NECTIN3: variants seen among roughly 807,000 people sequenced by gnomAD.
NECTIN3 encodes the protein nectin cell adhesion molecule 3.
A neutral mutation model predicts 49.4 loss-of-function variants in NECTIN3; 8 were observed. The ratio of observed to expected loss-of-function variants is 0.16; its 90% CI spans 0.10 to 0.29. NECTIN3 has a LOEUF of 0.29. Among genes scored for constraint, NECTIN3 ranks in the 10% least tolerant of loss-of-function variants. NECTIN3 has a pLI of 1.00. For synonymous variants in NECTIN3, 277 were observed against 241.1 expected, an observed-to-expected ratio of 1.15 and a Z score of -1.38; for missense variants, 581 against 654.6, an observed-to-expected ratio of 0.89 and a Z score of 1.23.
At chr3:111,105,381 C>T (rs753312465) in intron 1 of NECTIN3, among the ~76,000 whole-genome samples, 3 of 152,070 alleles carry the variant, frequency 2.0e-5, no homozygotes, top group Non-Finnish European at 2.9e-5. Context: ...AATTTACCTG[C>T]CTCGGCCTCC....
intron 1 of NECTIN3, 100 bp downstream of exon 1, chr3:111,072,277 G>C: frequency 1.4e-6 from 2 of 1,456,854 alleles, no homozygotes; most frequent in Non-Finnish European, 1.8e-6. Context: ...GCAGCGAGGC[G>C]GTTGGTTGTG....
chr3:111,167,313 G>A (rs1319805272), intron 7 of NECTIN3, among the ~76,000 whole-genome samples: 1 of 152,092 alleles, frequency 6.6e-6, no homozygotes, highest in Non-Finnish European at 1.5e-5. Flanking sequence ...TAGCTGGAAG[G>A]GACCTCAGAA....
At chr3:111,158,815 ACG>A (rs2035150738) in intron 7 of NECTIN3, among the ~76,000 whole-genome samples, 1 of 152,184 alleles carries the variant, frequency 6.6e-6, no homozygotes, top group Admixed American at 6.5e-5. Context: ...CAAACCACAG[ACG>A]CAAACAAAAT....
At chr3:111,143,937 C>A (rs904120103) in intron 5 of NECTIN3, among the ~76,000 whole-genome samples, 19 of 151,916 alleles carry the variant, frequency 1.3e-4, no homozygotes, top group African/African-American at 4.3e-4. Context: ...AAGACAAAAA[C>A]AAAATCAGAT....
chr3:111,179,786 G>A (rs1351964857), intron 7 of NECTIN3, among the ~76,000 whole-genome samples: 9 of 151,754 alleles, frequency 5.9e-5, no homozygotes, highest in Non-Finnish European at 8.8e-5. Context: ...CAAGCTACTC[G>A]GAAGGCTGAG....
chr3:111,176,412 G>A, intron 7 of NECTIN3, among the ~76,000 whole-genome samples: 1 of 152,140 alleles, frequency 6.6e-6, no homozygotes, highest in Non-Finnish European at 1.5e-5. Context: ...CATAAACTGA[G>A]TTCTAGCTCA....
chr3:111,148,585 GT>G (rs538973225), intron 7 of NECTIN3, among the ~76,000 whole-genome samples: 1 of 151,648 alleles, frequency 6.6e-6, no homozygotes, highest in African/African-American at 2.4e-5. Context: ...GTCTGGATTT[GT>G]TTTTTTTGCC....
At chr3:111,165,931 A>G (rs955730250) in intron 7 of NECTIN3, among the ~76,000 whole-genome samples, 2 of 152,230 alleles carry the variant, frequency 1.3e-5, no homozygotes, top group African/African-American at 4.8e-5. Context: ...TCATTCTTCA[A>G]AAAAGTTTTC....
rs73852396 is a variant in NECTIN3 at position 111,074,628 on chromosome 3, T to A, written c.160+2451T>A. ...TATCAGACTTGCTGGCCGTTTGTTT[T>A]GGGGGTGTGCATTATCTTATTTGGA... On this transcript the variant is annotated intron_variant, in intron 1 of 5. Coordinates refer to ENST00000485303, the MANE Select transcript of NECTIN3 (RefSeq NM_015480.3). Among the ~76,000 whole-genome samples, 1,416 of 152,134 alleles carry A rather than the reference T, an allele frequency of 9.3e-3. 23 individuals are homozygous for A. The highest frequency in any genetic ancestry group is 0.028 in the African/African-American group (1,178 of 41,520).
chr3:111,115,800 CAAG>C (rs1385985608), intron 2 of NECTIN3, among the ~76,000 whole-genome samples: 5 of 152,234 alleles, frequency 3.3e-5, no homozygotes, highest in African/African-American at 9.6e-5. Flanking sequence ...TGAATGAAGA[CAAG>C]AACTATTACA....
chr3:111,160,267 T>C (rs1055514954), intron 7 of NECTIN3, among the ~76,000 whole-genome samples: 1 of 152,224 alleles, frequency 6.6e-6, no homozygotes, highest in African/African-American at 2.4e-5. Flanking sequence ...TTAAAATCCC[T>C]GTCAATTCAG....
chr3:111,117,251 TC>T (rs2033726059), intron 2 of NECTIN3, among the ~76,000 whole-genome samples: 1 of 152,084 alleles, frequency 6.6e-6, no homozygotes, highest in Non-Finnish European at 1.5e-5. Context: ...ATACGTATGG[TC>T]CAATTCCATT....
chr3:111,166,010 A>G (rs1226749153), intron 7 of NECTIN3, among the ~76,000 whole-genome samples: 1 of 152,182 alleles, frequency 6.6e-6, no homozygotes, highest in Non-Finnish European at 1.5e-5. Flanking sequence ...TTATGCTGCA[A>G]GAAACCAACA....
At chr3:111,104,898 C>T (rs1010578667) in intron 1 of NECTIN3, among the ~76,000 whole-genome samples, 15 of 151,932 alleles carry the variant, frequency 9.9e-5, no homozygotes, top group African/African-American at 2.4e-4. Flanking sequence ...TTGTCAGTTT[C>T]GAATAAAGAT....
chr3:111,075,458 G>A (rs936150077), intron 1 of NECTIN3, among the ~76,000 whole-genome samples: 3 of 151,962 alleles, frequency 2.0e-5, no homozygotes, highest in Admixed American at 6.6e-5. Flanking sequence ...CCTTGCTGAT[G>A]GAGATCTTGT....
In NECTIN3 at chr3:111,136,048, G is replaced by A; in HGVS notation, c.*1833G>A. On this transcript the variant is annotated 3_prime_UTR_variant, in exon 6 of 6. Coordinates refer to ENST00000485303, the MANE Select transcript of NECTIN3 (RefSeq NM_015480.3). ...AGAAAACTTTTTGATAAAACACTGTGATTGATGTGACTTTATTTTTAATTT... is the reference window on the plus strand; with the variant it reads ...AGAAAACTTTTTGATAAAACACTGTAATTGATGTGACTTTATTTTTAATTT... 1 of 980,458 alleles carries A rather than the reference G, an allele frequency of 1.0e-6. No individual in the cohort carries two copies. The highest frequency in any genetic ancestry group is 1.2e-6 in the Non-Finnish European group (1 of 825,654). The allele number at this position is 980,458 out of a possible 1,614,324, so 60.7% of individuals were successfully genotyped here.
At chr3:111,159,677 A>G (rs2035170475) in intron 7 of NECTIN3, among the ~76,000 whole-genome samples, 1 of 152,160 alleles carries the variant, frequency 6.6e-6, no homozygotes, top group Admixed American at 6.5e-5. Flanking sequence ...CATTCCTAAA[A>G]TGTCATCATC....
At chr3:111,151,072 T>C (rs936874725) in intron 7 of NECTIN3, among the ~76,000 whole-genome samples, 5 of 151,902 alleles carry the variant, frequency 3.3e-5, no homozygotes, top group Non-Finnish European at 7.4e-5. Context: ...GTCACTATTG[T>C]TTAGTACCAT....
At chr3:111,110,908 GT>G (rs556907235) in intron 1 of NECTIN3, among the ~76,000 whole-genome samples, 19 of 151,122 alleles carry the variant, frequency 1.3e-4, no homozygotes, top group African/African-American at 3.2e-4. Flanking sequence ...ATTGCATAAA[GT>G]TTTTTTTTAC....
Sources: allele counts gnomAD v4.1 joint callset (sites outside exome capture counted in the v4.1 genomes callset), GRCh38; gene constraint gnomAD v4.1.1; transcripts MANE v1.5; gene names NCBI Gene and HGNC (gene_info 2026-07-23, HGNC 2026-07-21).